The following CNTNAP5 variants were observed in gnomAD, a reference collection of about 807,000 sequenced individuals.
The protein encoded by CNTNAP5 is contactin-associated protein-like 5.
Under a neutral mutation model 150.2 loss-of-function variants are expected in CNTNAP5, and 72 were observed. The observed-to-expected ratio is 0.48, with a 90% CI of 0.40 to 0.58. The LOEUF (loss-of-function observed/expected upper bound fraction) is 0.58, where lower values mean the gene tolerates loss of function less well. Among genes scored for constraint, CNTNAP5 ranks in the 20% least tolerant of loss-of-function variants. The pLI is 0.00. For synonymous variants in CNTNAP5, 672 were observed against 619.8 expected, an observed-to-expected ratio of 1.08 and a Z score of -1.25; for missense variants, 1,636 against 1,626.2, an observed-to-expected ratio of 1.01 and a Z score of -0.10.
At chr2:124,057,201 C>T (rs1338251338) in intron 1 of CNTNAP5, among the ~76,000 whole-genome samples, 1 of 151,974 alleles carries the variant, frequency 6.6e-6, no homozygotes, top group East Asian at 1.9e-4. Context: ...CTGTGTAACA[C>T]CACCATTTTC....
chr2:124,375,991 T>C (rs1481407883), intron 3 of CNTNAP5, among the ~76,000 whole-genome samples: 1 of 152,088 alleles, frequency 6.6e-6, no homozygotes, highest in African/African-American at 2.4e-5. Context: ...CCTGCTGTTC[T>C]GCACTGGAAT....
At chr2:124,118,791 C>A (rs1683488951) in intron 1 of CNTNAP5, among the ~76,000 whole-genome samples, 2 of 152,152 alleles carry the variant, frequency 1.3e-5, no homozygotes, top group South Asian at 4.1e-4. Context: ...TCGTAATAAC[C>A]CACATGCTAA....
chr2:124,310,774 TG>T (rs1688809886), intron 3 of CNTNAP5, among the ~76,000 whole-genome samples: 1 of 152,168 alleles, frequency 6.6e-6, no homozygotes, highest in Non-Finnish European at 1.5e-5. Context: ...TTTAAAGTTA[TG>T]GATAAGTAGA....
intron 1 of CNTNAP5, among the ~76,000 whole-genome samples, chr2:124,117,747 A>G (rs1298242076): frequency 6.6e-6 from 1 of 152,196 alleles, no homozygotes; most frequent in Non-Finnish European, 1.5e-5. Flanking sequence ...TCACTTAATT[A>G]AATACCAATT....
Position 124,898,856 on chromosome 2 carries a change from C to G in CNTNAP5, c.3437-4026C>G, listed in dbSNP as rs556135734. On this transcript the variant is annotated intron_variant, in intron 21 of 23. Transcript: ENST00000682447. Reference sequence around the variant, plus strand: ...CTATTACTGCTAACTACCACTCCCCCCGGCCTCCTCCTCCTAACAGTATGC... The same window carrying G: ...CTATTACTGCTAACTACCACTCCCCGCGGCCTCCTCCTCCTAACAGTATGC... 6.6e-5 allele frequency among the ~76,000 whole-genome samples: 10 copies of G among 151,554 alleles called. No homozygotes were observed. In the East Asian group the frequency reaches 1.2e-3, roughly 18 times the overall value.
intron 19 of CNTNAP5, among the ~76,000 whole-genome samples, chr2:124,860,055 T>C (rs1457428229): frequency 7.0e-6 from 1 of 142,760 alleles, no homozygotes; most frequent in African/African-American, 2.6e-5. Context: ...ACTTAAAGTA[T>C]AAAAAAAAAA....
chr2:124,095,781 A>G lies in CNTNAP5; in HGVS notation c.82+70049A>G, dbSNP rs148854618. ...TAATATGCATCTTTTTTTTTCTTCT[A>G]TTCTGAATTTTTGGTTTGTGTCAGC... On this transcript the variant is annotated intron_variant, in intron 1 of 23. Coordinates refer to ENST00000682447, the MANE Select transcript of CNTNAP5 (RefSeq NM_001367498.1). Among the ~76,000 whole-genome samples, 1,163 of 151,022 alleles carry G rather than the reference A, an allele frequency of 7.7e-3. 9 individuals are homozygous for G. The highest frequency in any genetic ancestry group is 0.026 in the African/African-American group (1,085 of 41,160).
intron 3 of CNTNAP5, among the ~76,000 whole-genome samples, chr2:124,377,622 C>T (rs569843526): frequency 2.4e-4 from 37 of 151,244 alleles, no homozygotes; most frequent in African/African-American, 8.7e-4. Flanking sequence ...TTGCAGTGAG[C>T]CAAGGTCTCG....
chr2:124,102,179 C>T (rs554226465), intron 1 of CNTNAP5, among the ~76,000 whole-genome samples: 3 of 152,140 alleles, frequency 2.0e-5, no homozygotes, highest in Non-Finnish European at 4.4e-5. Context: ...TTTAAAGCAA[C>T]CTTTGCGTTG....
intron 3 of CNTNAP5, among the ~76,000 whole-genome samples, chr2:124,321,705 T>C: frequency 6.6e-6 from 1 of 152,190 alleles, no homozygotes; most frequent in East Asian, 1.9e-4. Context: ...ATTAATAGAA[T>C]GTCTCCAAGG....
chr2:124,568,466 CA>C (rs970257749), intron 11 of CNTNAP5, among the ~76,000 whole-genome samples: 1 of 152,138 alleles, frequency 6.6e-6, no homozygotes, highest in African/African-American at 2.4e-5. Context: ...TCCTGAAGGC[CA>C]AATGAGATTC....
chr2:124,419,966 C>CTT (rs1692053019), intron 4 of CNTNAP5, among the ~76,000 whole-genome samples: 1 of 30,256 alleles, frequency 3.3e-5, no homozygotes, highest in Admixed American at 5.2e-4. Flanking sequence ...CCTTTTCTCT[C>CTT]TCTCTCTTTC....
In CNTNAP5 at chr2:124,107,284, T is replaced by C. The variant is rs998183965; in HGVS notation, c.82+81552T>C. On this transcript the variant is annotated intron_variant, in intron 1 of 23. Transcript: ENST00000682447. ...TTGGAAACCACTGCGTCTATCTTTG[T>C]CCCTGACCATGAAGACCTTCCAGAG... 3.9e-5 allele frequency among the ~76,000 whole-genome samples: 6 copies of C among 152,314 alleles called. No individual in the cohort carries two copies. The South Asian group carries it at 8.3e-4, about 21-fold the overall frequency.
chr2:124,159,233 G>A (rs1684616486), intron 1 of CNTNAP5, among the ~76,000 whole-genome samples: 1 of 152,166 alleles, frequency 6.6e-6, no homozygotes, highest in Non-Finnish European at 1.5e-5. Flanking sequence ...AGGTTTAGGT[G>A]ATATCTCAGT....
intron 8 of CNTNAP5, among the ~76,000 whole-genome samples, chr2:124,520,703 G>T (rs1694829899): frequency 1.3e-5 from 2 of 152,052 alleles, no homozygotes; most frequent in South Asian, 4.1e-4. Flanking sequence ...TCAATATCCT[G>T]CTCGTCTCTC....
chr2:124,591,168 T>C (rs540933162), intron 11 of CNTNAP5, among the ~76,000 whole-genome samples: 8 of 152,258 alleles, frequency 5.3e-5, no homozygotes, highest in African/African-American at 1.9e-4. Flanking sequence ...CAACAATAGG[T>C]TTACTAGTTA....
intron 12 of CNTNAP5, among the ~76,000 whole-genome samples, chr2:124,646,966 C>T (rs1420833348): frequency 6.6e-6 from 1 of 152,120 alleles, no homozygotes; most frequent in African/African-American, 2.4e-5. Flanking sequence ...GAGAGAGACC[C>T]TGTCTCTTTA....
At chr2:124,102,870 A>G (rs1023358900) in intron 1 of CNTNAP5, among the ~76,000 whole-genome samples, 3 of 152,240 alleles carry the variant, frequency 2.0e-5, no homozygotes, top group Non-Finnish European at 2.9e-5. Context: ...AAAGTACACA[A>G]TAAATATTAG....
intron 3 of CNTNAP5, among the ~76,000 whole-genome samples, chr2:124,283,173 T>G (rs986951748): frequency 5.9e-5 from 9 of 152,210 alleles, no homozygotes; most frequent in Non-Finnish European, 1.2e-4. Flanking sequence ...TGGTTTGGTC[T>G]TGGTTGAGGA....
Sources: allele counts gnomAD v4.1 joint callset (sites outside exome capture counted in the v4.1 genomes callset), GRCh38; gene constraint gnomAD v4.1.1; transcripts MANE v1.5; gene names NCBI Gene and HGNC (gene_info 2026-07-23, HGNC 2026-07-21).